The following HIVEP2 variants were observed in gnomAD, a reference collection of about 807,000 sequenced individuals.
The protein encoded by HIVEP2 is HIVEP zinc finger 2.
A neutral mutation model predicts 180.7 loss-of-function variants in HIVEP2; 14 were observed. That is an observed-to-expected ratio of 0.08 (90% CI 0.05 to 0.12). The LOEUF (loss-of-function observed/expected upper bound fraction) is 0.12. Among genes scored for constraint, HIVEP2 ranks in the 10% least tolerant of loss-of-function variants. HIVEP2 has a pLI of 1.00. For synonymous variants in HIVEP2, 1,184 were observed against 1,136.4 expected, an observed-to-expected ratio of 1.04 and a Z score of -0.84; for missense variants, 2,579 against 3,008.5, an observed-to-expected ratio of 0.86 and a Z score of 3.34.
intron 1 of HIVEP2, among the ~76,000 whole-genome samples, chr6:142,909,615 C>A (rs1477787226): frequency 6.6e-6 from 1 of 152,104 alleles, no homozygotes; most frequent in Non-Finnish European, 1.5e-5. Flanking sequence ...TGTTTTTAAT[C>A]AGAAATATCT....
intron 2 of HIVEP2, among the ~76,000 whole-genome samples, chr6:142,827,517 T>C (rs1774942859): frequency 1.3e-5 from 2 of 152,238 alleles, no homozygotes; most frequent in African/African-American, 2.4e-5. Flanking sequence ...TGTATGTGTC[T>C]GTGTGCGCGC....
chr6:142,910,587 C>T (rs186057442), intron 1 of HIVEP2, among the ~76,000 whole-genome samples: 2 of 152,262 alleles, frequency 1.3e-5, no homozygotes, highest in East Asian at 3.9e-4. Flanking sequence ...GGTGACACAG[C>T]GAGACTACGT....
chr6:142,770,897 C>T lies in HIVEP2; in HGVS notation c.3842G>A (p.Cys1281Tyr). 2 of 1,614,222 alleles carry T rather than the reference C, an allele frequency of 1.2e-6. No individual in the cohort carries two copies. Among genetic ancestry groups the T allele is most frequent in the South Asian group, 1.1e-5 (1 of 91,080 alleles). Residue 1281 changes from cysteine to tyrosine, a missense_variant, in exon 5 of 10, where the codon TGT (cysteine) becomes TAT (tyrosine). Physicochemically the swap from Cys to Tyr is radical, Grantham distance 194 (BLOSUM62 -2). Transcript: ENST00000367603. The surrounding 1 kb of genome is among the most constrained non-coding windows in gnomAD (Gnocchi z 4.7). ...YAHTKEQTYP[C>Y]YSGASGLHPK... ...GTGTAGCCCTGATGCTCCTGAATAA[C>T]ATGGGTAGGTCTGCTCTTTCGTGTG...
At chr6:142,862,856 A>G (rs921276796) in intron 1 of HIVEP2, among the ~76,000 whole-genome samples, 2 of 133,716 alleles carry the variant, frequency 1.5e-5, no homozygotes, top group African/African-American at 2.8e-5. Flanking sequence ...TTATTTATAT[A>G]TAATATATAA....
At chr6:142,880,838 T>G (rs1252921688) in intron 1 of HIVEP2, among the ~76,000 whole-genome samples, 2 of 152,176 alleles carry the variant, frequency 1.3e-5, no homozygotes, top group Non-Finnish European at 2.9e-5. Context: ...CACCCTCATC[T>G]CGACAGAACA....
At chr6:142,855,122 C>A (rs1479634831) in intron 1 of HIVEP2, among the ~76,000 whole-genome samples, 2 of 152,224 alleles carry the variant, frequency 1.3e-5, no homozygotes, top group African/African-American at 2.4e-5. Context: ...TAAGAGGGAG[C>A]TTATGAAACC....
At chr6:142,865,614 A>G (rs1271591250) in intron 1 of HIVEP2, among the ~76,000 whole-genome samples, 1 of 152,164 alleles carries the variant, frequency 6.6e-6, no homozygotes, top group African/African-American at 2.4e-5. Flanking sequence ...AATTATAATG[A>G]CATTTTAATT....
At chr6:142,810,324 CT>C (rs1168010544) in intron 2 of HIVEP2, among the ~76,000 whole-genome samples, 1 of 152,046 alleles carries the variant, frequency 6.6e-6, no homozygotes, top group Non-Finnish European at 1.5e-5. Context: ...CAAAATCAAT[CT>C]TAAGAATTTA....
intron 9 of HIVEP2, among the ~76,000 whole-genome samples, chr6:142,757,367 A>G (rs936242411): frequency 6.6e-6 from 1 of 152,236 alleles, no homozygotes; most frequent in Non-Finnish European, 1.5e-5. Context: ...ACTATGAAAT[A>G]TAACCATGAT....
intron 7 of HIVEP2, among the ~76,000 whole-genome samples, chr6:142,762,633 C>T (rs2114619945): frequency 6.6e-6 from 1 of 152,276 alleles, no homozygotes; most frequent in South Asian, 2.1e-4. Context: ...AATGTACCAA[C>T]AAATACTTTA....
At chr6:142,796,741 T>C (rs1776287132) in intron 2 of HIVEP2, among the ~76,000 whole-genome samples, 1 of 152,182 alleles carries the variant, frequency 6.6e-6, no homozygotes, top group Non-Finnish European at 1.5e-5. Flanking sequence ...GTTTAAACTA[T>C]TGCATTAAAC....
chr6:142,757,113 C>T (rs1231779422), intron 9 of HIVEP2, among the ~76,000 whole-genome samples: 1 of 152,158 alleles, frequency 6.6e-6, no homozygotes, highest in Non-Finnish European at 1.5e-5. Context: ...GCTATGATCA[C>T]CATTACTCCA....
At chr6:142,893,381 G>A (rs550788701) in intron 1 of HIVEP2, among the ~76,000 whole-genome samples, 3 of 152,280 alleles carry the variant, frequency 2.0e-5, no homozygotes, top group Non-Finnish European at 4.4e-5. Context: ...CGGCAAGTGT[G>A]CAATTCAATT....
In HIVEP2 at chr6:142,771,425, T is replaced by G; in HGVS notation, c.3314A>C (p.Gln1105Pro). The G allele has an allele frequency of 1.2e-6, 2 of 1,613,544 alleles. No homozygotes were observed. Among genetic ancestry groups the G allele is most frequent in the Non-Finnish European group, 1.7e-6 (2 of 1,180,028 alleles). ...AGCATGCAGGTGCTCCAGCTGCTCT[T>G]GCTTCACGCTCTGATCCATGCCAAC... Reference protein sequence around the residue: ...GEVGMDQSVKQEQLEHLHAGL... With the variant: ...GEVGMDQSVKPEQLEHLHAGL... The change falls in exon 5 of 10, where the codon CAA becomes CCA. Residue 1105 changes from glutamine (Q) to proline (P), a missense_variant. Gln to Pro is a moderately conservative substitution (Grantham distance 76). Coordinates refer to ENST00000367603, the MANE Select transcript of HIVEP2 (RefSeq NM_006734.4). This position sits in a 1 kb window ranked among gnomAD's most constrained non-coding sequence, Gnocchi z 5.4.
chr6:142,796,974 C>T (rs1365199012), intron 2 of HIVEP2, among the ~76,000 whole-genome samples: 1 of 152,132 alleles, frequency 6.6e-6, no homozygotes, highest in Non-Finnish European at 1.5e-5. Context: ...AATACTGCAT[C>T]TTTACCTGTG....
chr6:142,756,640 C>T (rs1290315332), intron 9 of HIVEP2, among the ~76,000 whole-genome samples: 2 of 151,654 alleles, frequency 1.3e-5, no homozygotes, highest in African/African-American at 4.8e-5. Flanking sequence ...CTTCCTGCTA[C>T]CTATCTACAA....
intron 3 of HIVEP2, among the ~76,000 whole-genome samples, chr6:142,783,092 T>A (rs1169105046): frequency 3.3e-5 from 5 of 152,086 alleles, no homozygotes; most frequent in African/African-American, 1.2e-4. Context: ...ACGCCTGTAA[T>A]CCCAGCACTT....
chr6:142,917,929 C>T (rs1777598372), intron 1 of HIVEP2, among the ~76,000 whole-genome samples: 1 of 152,188 alleles, frequency 6.6e-6, no homozygotes, highest in Admixed American at 6.5e-5. Flanking sequence ...GCATGCACCA[C>T]CACGCCTGGC....
chr6:142,878,181 T>C (rs1467839344), intron 1 of HIVEP2, among the ~76,000 whole-genome samples: 3 of 152,190 alleles, frequency 2.0e-5, no homozygotes, highest in Non-Finnish European at 4.4e-5. Flanking sequence ...AAAAACTCTG[T>C]CAAAATCCAC....
Sources: gnomAD v4.1 joint callset for allele counts (sites outside exome capture counted in the v4.1 genomes callset) on GRCh38, gnomAD v4.1.1 for gene constraint, Gnocchi (gnomAD v3.1) non-coding constraint, MANE v1.5 for transcripts, NCBI Gene and HGNC (gene_info 2026-07-23, HGNC 2026-07-21) for gene names.